COL4A5: variants seen among roughly 807,000 people sequenced by gnomAD.
COL4A5 encodes collagen alpha-5(IV) chain.
In COL4A5, 26 loss-of-function variants were observed where a neutral mutation model predicts 130.2. The ratio of observed to expected loss-of-function variants is 0.20; its 90% CI spans 0.15 to 0.28. The LOEUF is 0.28. COL4A5 is among the 10% of genes least tolerant of loss of function. COL4A5 has a pLI of 1.00. For missense variants in COL4A5, 1,131 were observed against 1,344.3 expected (o/e 0.84, Z 2.48); for synonymous variants, 496 against 439.6 (o/e 1.13, Z -1.60).
intron 36 of COL4A5, among the ~76,000 whole-genome samples, chrX:108,653,957 G>A (rs1168434763): frequency 8.9e-6 from 1 of 111,750 alleles, no homozygotes; most frequent in African/African-American, 3.3e-5. Context: ...TTAAATAATA[G>A]GATGTAAGGA....
At position 108,643,986 on chromosome X, in the gene COL4A5, T is replaced by G. The variant is rs942473182; in HGVS notation, c.3247-11345T>G. Among the ~76,000 whole-genome samples the G allele has an allele frequency of 5.4e-5, 6 of 111,856 alleles. No individual in the cohort carries two copies. The Admixed American group carries it at 5.7e-4, about 11-fold the overall frequency. On this transcript the variant is annotated intron_variant, in intron 36 of 52. Transcript: ENST00000328300. ...ACTCACCAACCAATGATCTGCTGCC[T>G]TCAGGAGACTCACCTAACACATAAG...
chrX:108,498,406 G>A (rs1265572431), intron 1 of COL4A5, among the ~76,000 whole-genome samples: 2 of 111,073 alleles, frequency 1.8e-5, no homozygotes, highest in Admixed American at 1.9e-4. Context: ...GTTAAAATAA[G>A]GTAGAGTAAA....
chrX:108,662,058 C>T (rs924456124), intron 37 of COL4A5, among the ~76,000 whole-genome samples: 16 of 92,899 alleles, frequency 1.7e-4, no homozygotes, highest in East Asian at 3.7e-4. Flanking sequence ...TATCTCCTAA[C>T]GCTATCCCTC....
chrX:108,549,934 T>G (rs773648069), intron 2 of COL4A5, among the ~76,000 whole-genome samples: 23 of 111,413 alleles, frequency 2.1e-4, no homozygotes, highest in African/African-American at 5.5e-4. Flanking sequence ...ACAAATTCCT[T>G]AAGAAACATA....
chrX:108,441,575 A>G (rs1394866179), intron 1 of COL4A5, among the ~76,000 whole-genome samples: 1 of 112,245 alleles, frequency 8.9e-6, no homozygotes, highest in Non-Finnish European at 1.9e-5. Context: ...TGCATGCCAT[A>G]ATTTTCTTCC....
At chrX:108,496,643 T>C (rs1178883376) in intron 1 of COL4A5, among the ~76,000 whole-genome samples, 2 of 111,463 alleles carry the variant, frequency 1.8e-5, no homozygotes, top group Non-Finnish European at 3.8e-5. Context: ...AGTCACAAAA[T>C]ATAGTTGTGT....
intron 28 of COL4A5, among the ~76,000 whole-genome samples, chrX:108,606,106 C>T (rs17326911): frequency 0.25 from 27,163 of 110,477 alleles, 2,791 homozygotes; most frequent in East Asian, 0.57. Context: ...ACAGTTAACC[C>T]GTGACACCAG....
In COL4A5 at chrX:108,687,203, C is replaced by T. The variant is rs542315012; in HGVS notation, c.4316-279C>T. ...GAAGCTGGCAGATTGATGGCAACCACACCCTTCCTTTCTCATTGATGAACA... is the reference window on the plus strand; with the variant it reads ...GAAGCTGGCAGATTGATGGCAACCATACCCTTCCTTTCTCATTGATGAACA... On this transcript the variant is annotated intron_variant, in intron 48 of 52. Transcript: ENST00000328300. Among the ~76,000 whole-genome samples, 6 of 112,324 alleles carry T rather than the reference C, an allele frequency of 5.3e-5. No homozygotes were observed. The South Asian group carries it at 2.2e-3, about 42-fold the overall frequency.
At position 108,488,005 on chromosome X, in the gene COL4A5, T is replaced by G. The variant is rs758427587; in HGVS notation, c.81+47799T>G. Among the ~76,000 whole-genome samples, 7 of 112,664 alleles carry G rather than the reference T, an allele frequency of 6.2e-5. No homozygotes were observed. In the East Asian group the frequency reaches 1.9e-3, roughly 31 times the overall value. On this transcript the variant is annotated intron_variant, in intron 1 of 52. Coordinates refer to ENST00000328300, the MANE Select transcript of COL4A5 (RefSeq NM_033380.3). Reference sequence around the variant, plus strand: ...TTATTTTTCTTTTTACTTCTTTGTATTTTTTCCTCTTACATTTATTTTTGA... The same window carrying G: ...TTATTTTTCTTTTTACTTCTTTGTAGTTTTTCCTCTTACATTTATTTTTGA...
At chrX:108,463,219 G>C (rs1352284763) in intron 1 of COL4A5, among the ~76,000 whole-genome samples, 1 of 111,811 alleles carries the variant, frequency 8.9e-6, no homozygotes, top group East Asian at 2.8e-4. Flanking sequence ...GAATATTAAA[G>C]CTTTGTTATA....
At chrX:108,660,909 A>G (rs1460327250) in intron 37 of COL4A5, among the ~76,000 whole-genome samples, 1 of 111,979 alleles carries the variant, frequency 8.9e-6, no homozygotes, top group Non-Finnish European at 1.9e-5. Flanking sequence ...ATTTCCTATC[A>G]CCACGTGATG....
chrX:108,580,750 A>G lies in COL4A5; in HGVS notation c.891+12A>G. 1 of 1,199,987 alleles carries G rather than the reference A, an allele frequency of 8.3e-7. No homozygotes were observed. The highest frequency in any genetic ancestry group is 1.8e-5 in the South Asian group (1 of 56,725). The stretch of plus-strand genomic sequence containing the variant: ...AGCCAGGCAAAAGAGTAAGTGATGT[A>G]ACTGCTAATATTCTTTGCAAAAAAA... On this transcript the variant is annotated intron_variant, in intron 15 of 52. Coordinates refer to ENST00000328300, the MANE Select transcript of COL4A5 (RefSeq NM_033380.3).
At chrX:108,597,127 G>A (rs997297217) in intron 23 of COL4A5, 59 bp downstream of exon 23, 2 of 974,270 alleles carry the variant, frequency 2.1e-6, no homozygotes, top group African/African-American at 3.9e-5. Flanking sequence ...TTTACACATT[G>A]ATTTTCAATT....
At chrX:108,689,935 T>C (rs762439407) in intron 49 of COL4A5, 2 of 754,741 alleles carry the variant, frequency 2.6e-6, no homozygotes, top group Non-Finnish European at 3.1e-6. Flanking sequence ...TTCTGCATCA[T>C]TGTGGGCAGC....
intron 4 of COL4A5, among the ~76,000 whole-genome samples, chrX:108,565,402 A>G (rs2065952658): frequency 8.9e-6 from 1 of 111,965 alleles, no homozygotes; most frequent in African/African-American, 3.2e-5. Context: ...ATACCTTACC[A>G]CTTTATTTTT....
At chrX:108,528,158 G>A (rs1348393539) in intron 1 of COL4A5, among the ~76,000 whole-genome samples, 2 of 111,926 alleles carry the variant, frequency 1.8e-5, no homozygotes, top group East Asian at 2.8e-4. Flanking sequence ...TGCCACCACC[G>A]CAGCCTTAAG....
intron 42 of COL4A5, among the ~76,000 whole-genome samples, chrX:108,673,614 C>G (rs1218578499): frequency 9.1e-6 from 1 of 109,311 alleles, no homozygotes; most frequent in Non-Finnish European, 1.9e-5. Flanking sequence ...TTTCAAGTAC[C>G]CTTTCACTGA....
At chrX:108,563,831 A>G in intron 3 of COL4A5, 51 bp from the exon 4 acceptor site, 1 of 1,044,822 alleles carries the variant, frequency 9.6e-7, no homozygotes, top group Non-Finnish European at 1.3e-6. Flanking sequence ...AAAATGAGTT[A>G]TTTGAGGACT....
chrX:108,477,553 C>G (rs1476577217), intron 1 of COL4A5, among the ~76,000 whole-genome samples: 2 of 111,150 alleles, frequency 1.8e-5, no homozygotes, highest in Non-Finnish European at 3.8e-5. Flanking sequence ...GTGGCTCATG[C>G]CTGTAATCCC....
Sources: gnomAD v4.1 joint callset for allele counts (sites outside exome capture counted in the v4.1 genomes callset) on GRCh38, gnomAD v4.1.1 for gene constraint, MANE v1.5 for transcripts, NCBI Gene and HGNC (gene_info 2026-07-23, HGNC 2026-07-21) for gene names.